The following ATP1B3 variants were observed in gnomAD, a reference collection of about 807,000 sequenced individuals.
ATP1B3 encodes the protein ATPase Na+/K+ transporting subunit beta 3, also known as sodium/potassium-transporting ATPase subunit beta-3.
In ATP1B3, 10 loss-of-function variants were observed where a neutral mutation model predicts 30.2. The ratio of observed to expected loss-of-function variants is 0.33; its 90% CI spans 0.20 to 0.56. The LOEUF is 0.56. ATP1B3 is among the 20% of genes least tolerant of loss of function. The pLI, the probability that ATP1B3 is intolerant of heterozygous loss-of-function variation, is 0.90. For missense variants in ATP1B3, 238 were observed against 336.7 expected (o/e 0.71, Z 2.29); for synonymous variants, 113 against 117.0 (o/e 0.97, Z 0.22).
At chr3:141,914,479 T>C (rs1462465247) in intron 4 of ATP1B3, among the ~76,000 whole-genome samples, 3 of 152,038 alleles carry the variant, frequency 2.0e-5, no homozygotes, top group Non-Finnish European at 4.4e-5. Context: ...TGAATTAGGG[T>C]CATTGTGCAA....
intron 1 of ATP1B3, among the ~76,000 whole-genome samples, chr3:141,882,791 G>A (rs1330326596): frequency 6.6e-6 from 1 of 152,040 alleles, no homozygotes; most frequent in Non-Finnish European, 1.5e-5. Flanking sequence ...TTTCCATGTT[G>A]GTCAGGCTGA....
chr3:141,880,357 C>T (rs1259536317), intron 1 of ATP1B3, among the ~76,000 whole-genome samples: 2 of 152,064 alleles, frequency 1.3e-5, no homozygotes, highest in Admixed American at 1.3e-4. Context: ...TAACGTAAAG[C>T]CAACTAGTTG....
intron 1 of ATP1B3, among the ~76,000 whole-genome samples, chr3:141,895,888 G>A (rs1406068051): frequency 1.3e-5 from 2 of 152,112 alleles, no homozygotes; most frequent in East Asian, 1.9e-4. Flanking sequence ...TACATGGTAC[G>A]GTCAGTCTTT....
intron 1 of ATP1B3, chr3:141,902,316 G>C: frequency 1.0e-6 from 1 of 959,378 alleles, no homozygotes; most frequent in Non-Finnish European, 1.5e-6. Flanking sequence ...AAGGGGGTTG[G>C]GGGTGATTCC....
At chr3:141,919,704 C>T (rs901982028) in intron 5 of ATP1B3, among the ~76,000 whole-genome samples, 2 of 152,042 alleles carry the variant, frequency 1.3e-5, no homozygotes, top group African/African-American at 4.8e-5. Context: ...TTTGGGAGGC[C>T]AAGGTAGGCG....
chr3:141,886,275 A>C (rs563550044), intron 1 of ATP1B3, among the ~76,000 whole-genome samples: 1 of 152,278 alleles, frequency 6.6e-6, no homozygotes, highest in East Asian at 1.9e-4. Context: ...TAAGACCCTT[A>C]GTCTGGAACC....
At chr3:141,925,384 G>A in intron 6 of ATP1B3, 147 bp from the exon 7 acceptor site, 3 of 745,070 alleles carry the variant, frequency 4.0e-6, no homozygotes, top group Non-Finnish European at 6.2e-6. Flanking sequence ...GATTGGTTGA[G>A]GCTTCAATGA....
At chr3:141,877,296 C>T (rs957599459) in intron 1 of ATP1B3, among the ~76,000 whole-genome samples, 3 of 152,154 alleles carry the variant, frequency 2.0e-5, no homozygotes, top group South Asian at 4.1e-4. Flanking sequence ...ACGGAGCGCT[C>T]CGGCCCGAGA....
Position 141,925,046 on chromosome 3 carries a change from C to G in ATP1B3, c.670-485C>G, listed in dbSNP as rs189365544. ...CTGGGAGGACAAGGCAAGAGGATCACTTGAGCTCAGGGGCATGAGCTGTCA... is the reference window on the plus strand; with the variant it reads ...CTGGGAGGACAAGGCAAGAGGATCAGTTGAGCTCAGGGGCATGAGCTGTCA... On this transcript the variant is annotated intron_variant, in intron 6 of 6. Coordinates refer to ENST00000286371, the MANE Select transcript of ATP1B3 (RefSeq NM_001679.4). Among the ~76,000 whole-genome samples, 186 of 152,260 alleles carry G rather than the reference C, an allele frequency of 1.2e-3. 1 individual carries two copies. Among genetic ancestry groups the G allele is most frequent in the Non-Finnish European group, 1.8e-3 (121 of 68,014 alleles).
chr3:141,903,322 C>G (rs1383397381), intron 1 of ATP1B3, among the ~76,000 whole-genome samples: 2 of 152,098 alleles, frequency 1.3e-5, no homozygotes, highest in Admixed American at 1.3e-4. Context: ...AAACATTCCC[C>G]TATGTACTGG....
Position 141,876,880 on chromosome 3 carries a change from G to A in ATP1B3, c.79G>A (p.Glu27Lys). 6.3e-7 allele frequency: 1 copy of A among 1,581,866 alleles called. No individual in the cohort carries two copies. Among genetic ancestry groups the A allele is most frequent in the Non-Finnish European group, 8.6e-7 (1 of 1,164,294 alleles). ...KLFIYNPTTG[E>K]FLGRTAKSWG... The stretch of plus-strand genomic sequence containing the variant: ...CTTCATCTACAACCCGACCACCGGA[G>A]AATTCCTGGGGCGCACCGCCAAGAG... The change falls in exon 1 of 7, where the codon GAA (glutamate) becomes AAA (lysine). Residue 27 changes from glutamate (E) to lysine (K), a missense_variant. Physicochemically the swap from Glu to Lys is moderately conservative, Grantham distance 56 (BLOSUM62 1). Coordinates refer to ENST00000286371, the MANE Select transcript of ATP1B3 (RefSeq NM_001679.4).
chr3:141,909,026 G>A lies in ATP1B3; in HGVS notation c.346+1752G>A, dbSNP rs142579187. ...CATACTGTGTACTCTCTCTTCTTGTGTGTATTTAGCCTTTCTGTCTGTATT... is the reference window on the plus strand; with the variant it reads ...CATACTGTGTACTCTCTCTTCTTGTATGTATTTAGCCTTTCTGTCTGTATT... On this transcript the variant is annotated intron_variant, in intron 3 of 6. Coordinates refer to ENST00000286371, the MANE Select transcript of ATP1B3 (RefSeq NM_001679.4). 1.5e-3 allele frequency among the ~76,000 whole-genome samples: 222 copies of A among 152,182 alleles called. 1 individual carries two copies. Among genetic ancestry groups the A allele is most frequent in the Middle Eastern group, 6.8e-3 (2 of 294 alleles).
chr3:141,903,799 G>T lies in ATP1B3; in HGVS notation c.238+51G>T, dbSNP rs775915729. On this transcript the variant is annotated intron_variant, in intron 2 of 6. Transcript: ENST00000286371. ...GTTTTTTGTTTTTTGTTTTTTTTTTGAGACAGAGTTTCACTCTTGTTGCCC... is the reference window on the plus strand; with the variant it reads ...GTTTTTTGTTTTTTGTTTTTTTTTTTAGACAGAGTTTCACTCTTGTTGCCC... 7.8e-6 allele frequency: 12 copies of T among 1,539,554 alleles called. No individual in the cohort carries two copies. The African/African-American group carries it at 1.5e-4, about 20-fold the overall frequency.
At chr3:141,894,429 A>G (rs1297457243) in intron 1 of ATP1B3, among the ~76,000 whole-genome samples, 1 of 152,056 alleles carries the variant, frequency 6.6e-6, no homozygotes, top group African/African-American at 2.4e-5. Flanking sequence ...AAGCTATGGG[A>G]TTGCAGGTGT....
intron 5 of ATP1B3, among the ~76,000 whole-genome samples, chr3:141,917,687 C>T (rs1934490279): frequency 1.3e-5 from 2 of 151,842 alleles, no homozygotes; most frequent in African/African-American, 4.8e-5. Flanking sequence ...AGTGAGACTC[C>T]ATCACACACA....
At chr3:141,907,847 A>C (rs188760440) in intron 3 of ATP1B3, among the ~76,000 whole-genome samples, 1 of 152,308 alleles carries the variant, frequency 6.6e-6, no homozygotes, top group Admixed American at 6.5e-5. Flanking sequence ...TAAGGACACT[A>C]AATTTCTTGA....
chr3:141,898,744 A>G (rs910776079), intron 1 of ATP1B3, among the ~76,000 whole-genome samples: 3 of 152,234 alleles, frequency 2.0e-5, no homozygotes, highest in African/African-American at 7.2e-5. Flanking sequence ...TATATACCCA[A>G]GAGAAATGAA....
At position 141,913,961 on chromosome 3, in the gene ATP1B3, G is replaced by A. The variant is rs1385971459; in HGVS notation, c.531+125G>A. 1.2e-5 allele frequency: 11 copies of A among 913,418 alleles called. No individual in the cohort carries two copies. Among genetic ancestry groups the A allele is most frequent in the Non-Finnish European group, 1.6e-5 (10 of 630,332 alleles). 56.6% of individuals were successfully genotyped at this position (913,418 alleles called of 1,614,324 possible). On this transcript the variant is annotated intron_variant, in intron 4 of 6. Transcript: ENST00000286371. Reference sequence around the variant, plus strand: ...ATTAAAAGTTATCATTTGGGGGGTAGCTTGCTTTAAAGACTAGCAGTAATG... The same window carrying A: ...ATTAAAAGTTATCATTTGGGGGGTAACTTGCTTTAAAGACTAGCAGTAATG...
intron 1 of ATP1B3, among the ~76,000 whole-genome samples, chr3:141,887,083 C>G (rs1208570034): frequency 1.3e-5 from 2 of 152,184 alleles, no homozygotes; most frequent in Admixed American, 6.5e-5. Flanking sequence ...TATATAAATG[C>G]TTTAGAATGG....
Sources: gnomAD v4.1 joint callset for allele counts (sites outside exome capture counted in the v4.1 genomes callset) on GRCh38, gnomAD v4.1.1 for gene constraint, MANE v1.5 for transcripts, NCBI Gene and HGNC (gene_info 2026-07-23, HGNC 2026-07-21) for gene names.